Variants in STAG1 observed in about 807,000 individuals in gnomAD.
STAG1 encodes STAG1 cohesin complex component, also known as cohesin subunit SA-1.
STAG1 carries 26 observed loss-of-function variants against 170.9 expected under a neutral mutation model. That is an observed-to-expected ratio of 0.15 (90% CI 0.11 to 0.21). The LOEUF is 0.21. Among genes scored for constraint, STAG1 ranks in the 10% least tolerant of loss-of-function variants. The pLI is 1.00. For missense variants in STAG1, 964 were observed against 1,509.5 expected, an observed-to-expected ratio of 0.64 and a Z score of 5.99; for synonymous variants, 514 against 497.7, an observed-to-expected ratio of 1.03 and a Z score of -0.44.
intron 7 of STAG1, among the ~76,000 whole-genome samples, chr3:136,507,294 T>C (rs1244649560): frequency 6.6e-6 from 1 of 152,238 alleles, no homozygotes; most frequent in African/African-American, 2.4e-5. Context: ...TTTGGTTGTC[T>C]TCAAGGAAGT....
chr3:136,403,351 A>G (rs1274232191), intron 21 of STAG1, among the ~76,000 whole-genome samples: 1 of 151,210 alleles, frequency 6.6e-6, no homozygotes, highest in Non-Finnish European at 1.5e-5. Flanking sequence ...TAATGAGATG[A>G]TGTCAGGATT....
chr3:136,431,566 G>C (rs1304988018), intron 16 of STAG1, among the ~76,000 whole-genome samples: 2 of 152,148 alleles, frequency 1.3e-5, no homozygotes, highest in African/African-American at 4.8e-5. Flanking sequence ...CACTGTGCCT[G>C]GCTGAAGGAC....
chr3:136,474,309 TAAC>T (rs772263832), intron 10 of STAG1, among the ~76,000 whole-genome samples: 1 of 152,196 alleles, frequency 6.6e-6, no homozygotes, highest in Middle Eastern at 3.2e-3. Context: ...CTATGTGCTG[TAAC>T]AGCAGGAGAC....
At chr3:136,617,734 T>C (rs1338140180) in intron 3 of STAG1, among the ~76,000 whole-genome samples, 2 of 152,158 alleles carry the variant, frequency 1.3e-5, no homozygotes, top group Non-Finnish European at 2.9e-5. Flanking sequence ...TGCCACCACA[T>C]TGTAACATGG....
intron 1 of STAG1, among the ~76,000 whole-genome samples, chr3:136,728,118 C>G (rs1033987883): frequency 2.6e-5 from 4 of 151,800 alleles, no homozygotes; most frequent in African/African-American, 9.7e-5. Flanking sequence ...GAGGTTGCGC[C>G]ATGCACTCCA....
At chr3:136,486,595 C>T (rs905862222) in intron 9 of STAG1, among the ~76,000 whole-genome samples, 10 of 152,242 alleles carry the variant, frequency 6.6e-5, no homozygotes, top group African/African-American at 2.4e-4. Context: ...AAAAACCAGG[C>T]TAAGTTTTAT....
At chr3:136,452,237 A>C in intron 13 of STAG1, 90 bp from the exon 14 acceptor site, 1 of 806,362 alleles carries the variant, frequency 1.2e-6, no homozygotes, top group Non-Finnish European at 2.1e-6. Flanking sequence ...GTTTAACAAC[A>C]ACAACAACAA....
chr3:136,750,062 A>T (rs574486047), intron 1 of STAG1, among the ~76,000 whole-genome samples: 1 of 152,352 alleles, frequency 6.6e-6, no homozygotes, highest in South Asian at 2.1e-4. Flanking sequence ...ACACAGAGTC[A>T]GAATCAAGGA....
At chr3:136,350,862 C>G (rs1936409104) in intron 28 of STAG1, among the ~76,000 whole-genome samples, 1 of 152,102 alleles carries the variant, frequency 6.6e-6, no homozygotes, top group African/African-American at 2.4e-5. Context: ...GCTGGTAGTT[C>G]TCTGACACTA....
intron 21 of STAG1, among the ~76,000 whole-genome samples, chr3:136,399,465 A>G (rs535898128): frequency 4.6e-5 from 7 of 152,360 alleles, no homozygotes; most frequent in African/African-American, 1.7e-4. Context: ...ATCGTTGAAC[A>G]GTACATAAAC....
Position 136,474,613 on chromosome 3 carries a change from T to C in STAG1, c.1027-976A>G, listed in dbSNP as rs369126398. On this transcript the variant is annotated intron_variant, in intron 10 of 33. Transcript: ENST00000383202. Reference sequence around the variant, plus strand: ...CAATGAACTCATTTATGGAGATGCATAATCACTCTTTTGTAAGCTGATTCA... The same window carrying C: ...CAATGAACTCATTTATGGAGATGCACAATCACTCTTTTGTAAGCTGATTCA... Among the ~76,000 whole-genome samples, 11 of 152,352 alleles carry C rather than the reference T, an allele frequency of 7.2e-5. No homozygotes were observed. The East Asian group carries it at 1.2e-3, about 16-fold the overall frequency.
At chr3:136,717,128 A>G (rs897058458) in intron 1 of STAG1, among the ~76,000 whole-genome samples, 7 of 152,344 alleles carry the variant, frequency 4.6e-5, no homozygotes, top group Non-Finnish European at 7.3e-5. Context: ...GCATAAAACC[A>G]CAAGGTATTG....
At chr3:136,647,000 A>G (rs1310546537) in intron 1 of STAG1, among the ~76,000 whole-genome samples, 2 of 152,206 alleles carry the variant, frequency 1.3e-5, no homozygotes, top group Non-Finnish European at 2.9e-5. Context: ...AATGTTTGAG[A>G]TGATACACAT....
At chr3:136,630,387 G>A (rs375146173) in intron 2 of STAG1, among the ~76,000 whole-genome samples, 11 of 151,906 alleles carry the variant, frequency 7.2e-5, no homozygotes, top group Non-Finnish European at 1.6e-4. Context: ...AGCAGGGAGG[G>A]GGGGTAGAGA....
chr3:136,584,250 A>G (rs1215842815), intron 4 of STAG1, among the ~76,000 whole-genome samples: 1 of 152,212 alleles, frequency 6.6e-6, no homozygotes, highest in Non-Finnish European at 1.5e-5. Context: ...TGGACACAAT[A>G]AACTAGTAGT....
chr3:136,535,170 T>C (rs1935558485), intron 6 of STAG1, among the ~76,000 whole-genome samples: 1 of 152,174 alleles, frequency 6.6e-6, no homozygotes, highest in Non-Finnish European at 1.5e-5. Flanking sequence ...CTCACTCTTA[T>C]CTGTGAGCTA....
rs182694956 is a variant in STAG1 at position 136,628,806 on chromosome 3, G to A, written c.29+2064C>T. The stretch of plus-strand genomic sequence containing the variant: ...CTACCCAGAACCTAGTAGGCTTCCC[G>A]GAATATAAAATGTAGTAAATGATAA... On this transcript the variant is annotated intron_variant, in intron 2 of 33. Transcript: ENST00000383202. 6.6e-5 allele frequency among the ~76,000 whole-genome samples: 10 copies of A among 152,212 alleles called. No homozygotes were observed. In the East Asian group the frequency reaches 1.7e-3, roughly 26 times the overall value.
intron 7 of STAG1, among the ~76,000 whole-genome samples, chr3:136,505,084 T>C (rs565410930): frequency 6.6e-6 from 1 of 152,188 alleles, no homozygotes; most frequent in East Asian, 1.9e-4. Context: ...ATGACAGACA[T>C]AAAATGAGGA....
At chr3:136,626,341 G>C (rs758270048) in intron 2 of STAG1, among the ~76,000 whole-genome samples, 2 of 149,606 alleles carry the variant, frequency 1.3e-5, no homozygotes, top group African/African-American at 2.5e-5. Context: ...CAGGAGAATT[G>C]CTTGAACCCA....
Sources: gnomAD v4.1 joint callset for allele counts (sites outside exome capture counted in the v4.1 genomes callset) on GRCh38, gnomAD v4.1.1 for gene constraint, MANE v1.5 for transcripts, NCBI Gene and HGNC (gene_info 2026-07-23, HGNC 2026-07-21) for gene names.